The following DTNA variants were observed in gnomAD, a reference collection of about 807,000 sequenced individuals.
DTNA encodes dystrobrevin alpha.
Under a neutral mutation model 100.7 loss-of-function variants are expected in DTNA, and 43 were observed. That is an observed-to-expected ratio of 0.43 (90% confidence interval 0.33 to 0.55). The LOEUF is 0.55. Ranked by LOEUF, DTNA falls within the 20% of genes least tolerant of loss-of-function variation. The probability of loss-of-function intolerance (pLI) is 0.04; values close to 1 mark genes in which losing one functional copy is unlikely to be tolerated. For synonymous variants in DTNA, 349 were observed against 347.9 expected, an observed-to-expected ratio of 1.00 and a Z score of -0.04; for missense variants, 798 against 953.9, an observed-to-expected ratio of 0.84 and a Z score of 2.15.
Position 34,806,220 on chromosome 18 carries a change from G to A in DTNA, c.364G>A (p.Glu122Lys), listed in dbSNP as rs760519361. Residue 122 changes from glutamate to lysine, a missense_variant and splice_region_variant, in exon 5 of 23, where the codon GAA (glutamate) becomes AAA (lysine). Physicochemically the swap from Glu to Lys is moderately conservative, Grantham distance 56. Transcript: ENST00000444659. ...TTTTTTTCTATTACCATTAAACAGG[G>A]AAGGCCATGGTAAAATTTCAGTATT... is the stretch of plus-strand genomic sequence containing the variant. Reference protein sequence around the residue: ...LNFLLAAFDPEGHGKISVFAV... With the variant: ...LNFLLAAFDPKGHGKISVFAV... 1.2e-6 allele frequency: 2 copies of A among 1,613,582 alleles called. No individual in the cohort carries two copies. Among genetic ancestry groups the A allele is most frequent in the African/African-American group, 1.3e-5 (1 of 75,008 alleles).
intron 1 of DTNA, among the ~76,000 whole-genome samples, chr18:34,737,637 T>C (rs1010722706): frequency 6.6e-6 from 1 of 152,186 alleles, no homozygotes; most frequent in African/African-American, 2.4e-5. Flanking sequence ...TCCAAGTCTT[T>C]AGTCGCTCTC....
intron 1 of DTNA, among the ~76,000 whole-genome samples, chr18:34,635,446 A>C (rs1207390452): frequency 6.6e-6 from 1 of 152,202 alleles, no homozygotes; most frequent in Non-Finnish European, 1.5e-5. Context: ...ACTGTTTTTC[A>C]TAACAGCTGT....
chr18:34,551,949 T>A (rs1435430731), intron 1 of DTNA, among the ~76,000 whole-genome samples: 1 of 152,104 alleles, frequency 6.6e-6, no homozygotes, highest in Non-Finnish European at 1.5e-5. Context: ...TTTCCTTGAA[T>A]AAACTAAGAC....
rs529523285 is a variant in DTNA, at chr18:34,734,380, T to C, written c.-1-21596T>C. Among the ~76,000 whole-genome samples the C allele has an allele frequency of 9.2e-5, 14 of 152,274 alleles. No individual in the cohort carries two copies. The South Asian group carries it at 2.5e-3, about 27-fold the overall frequency. ...GGTTCATCAGAGTTTACAAACTCAGTGTCCTCAGTTTCATCAGAATCTTCC... is the reference window on the plus strand; with the variant it reads ...GGTTCATCAGAGTTTACAAACTCAGCGTCCTCAGTTTCATCAGAATCTTCC... On this transcript the variant is annotated intron_variant, in intron 1 of 22. Coordinates refer to ENST00000444659, the MANE Select transcript of DTNA (RefSeq NM_001386795.1).
intron 1 of DTNA, among the ~76,000 whole-genome samples, chr18:34,690,356 A>G (rs1285838721): frequency 6.6e-6 from 1 of 152,206 alleles, no homozygotes; most frequent in African/African-American, 2.4e-5. Flanking sequence ...CCTCATGGCA[A>G]GTTCCTCATG....
chr18:34,638,945 G>C (rs1377047113), intron 1 of DTNA, among the ~76,000 whole-genome samples: 1 of 152,144 alleles, frequency 6.6e-6, no homozygotes, highest in Non-Finnish European at 1.5e-5. Flanking sequence ...GGGTTCAAGT[G>C]ATTCCCCAGC....
chr18:34,543,337 A>T (rs923718019), intron 1 of DTNA, among the ~76,000 whole-genome samples: 1 of 152,102 alleles, frequency 6.6e-6, no homozygotes, highest in Admixed American at 6.6e-5. Context: ...AAAAATTCTA[A>T]CAAAAGGAAT....
At chr18:34,503,612 G>T (rs1432380757) in intron 1 of DTNA, among the ~76,000 whole-genome samples, 4 of 151,834 alleles carry the variant, frequency 2.6e-5, no homozygotes, top group Non-Finnish European at 5.9e-5. Context: ...AATGCACTCT[G>T]CTAATATCTG....
At chr18:34,498,282 G>A (rs2039486337) in intron 1 of DTNA, among the ~76,000 whole-genome samples, 1 of 151,826 alleles carries the variant, frequency 6.6e-6, no homozygotes, top group Non-Finnish European at 1.5e-5. Context: ...TTAGCTGGGG[G>A]TGGTGGCAAG....
intron 1 of DTNA, among the ~76,000 whole-genome samples, chr18:34,603,052 AAAAG>A (rs902190888): frequency 9.2e-5 from 14 of 151,798 alleles, no homozygotes; most frequent in South Asian, 6.2e-4. Flanking sequence ...TTAATTTTAA[AAAAG>A]AAAGAAAGAA....
intron 1 of DTNA, among the ~76,000 whole-genome samples, chr18:34,751,696 C>T (rs1466397589): frequency 2.0e-5 from 3 of 152,100 alleles, no homozygotes; most frequent in African/African-American, 7.2e-5. Context: ...TTTCAGAGTC[C>T]CTCTTTATTT....
intron 1 of DTNA, among the ~76,000 whole-genome samples, chr18:34,530,126 G>A (rs1214960327): frequency 1.3e-5 from 2 of 152,050 alleles, no homozygotes; most frequent in African/African-American, 4.8e-5. Context: ...CCTGCTCATA[G>A]CTGATACAGA....
intron 1 of DTNA, among the ~76,000 whole-genome samples, chr18:34,559,127 G>C (rs940251666): frequency 9.9e-5 from 15 of 152,150 alleles, no homozygotes; most frequent in African/African-American, 3.4e-4. Flanking sequence ...TACCCATAAT[G>C]CCTGATTTCC....
chr18:34,806,804 A>C (rs1000370133), intron 5 of DTNA, among the ~76,000 whole-genome samples: 3 of 152,238 alleles, frequency 2.0e-5, no homozygotes, highest in Admixed American at 6.5e-5. Flanking sequence ...TGGCAGAGTT[A>C]ACTAGATGCC....
intron 21 of DTNA, among the ~76,000 whole-genome samples, chr18:34,883,266 A>G (rs376333480): frequency 6.6e-6 from 1 of 151,814 alleles, no homozygotes; most frequent in Non-Finnish European, 1.5e-5. Context: ...CTTTCTGTCC[A>G]GTGGCCAGAC....
intron 13 of DTNA, 71 bp from the exon 14 acceptor site, chr18:34,848,225 C>T: frequency 6.8e-7 from 1 of 1,471,612 alleles, no homozygotes; most frequent in Non-Finnish European, 9.5e-7. Flanking sequence ...GTAAAAACTC[C>T]TTGTGGTAAA....
intron 22 of DTNA, among the ~76,000 whole-genome samples, chr18:34,887,353 T>C (rs35528848): frequency 0.012 from 1,824 of 152,306 alleles, 10 homozygotes; most frequent in Middle Eastern, 0.02. Flanking sequence ...TACACCACTG[T>C]CCTTGGCCAC....
rs1426667215 is a variant in DTNA at position 34,858,272 on chromosome 18, CCT to C, written c.1533-7_1533-6del. On this transcript the variant is annotated splice_polypyrimidine_tract_variant and intron_variant, in intron 15 of 22. Transcript: ENST00000444659. ...ACTAACCTTGGTTTCTCACCTTCCT[CCT>C]CTCTCCCAAGAGAAATCTTACAGGA... 3 of 1,613,200 alleles carry C rather than the reference CCT, an allele frequency of 1.9e-6. No individual in the cohort carries two copies. The South Asian group carries it at 3.3e-5, about 18-fold the overall frequency.
intron 1 of DTNA, chr18:34,683,515 T>C (rs570702723): frequency 2.6e-4 from 39 of 152,328 alleles, no homozygotes; most frequent in Non-Finnish European, 2.2e-4. Flanking sequence ...TCCATTTTAA[T>C]GTACTGTGGT....
Sources: gnomAD v4.1 joint callset for allele counts (sites outside exome capture counted in the v4.1 genomes callset) on GRCh38, gnomAD v4.1.1 for gene constraint, MANE v1.5 for transcripts, NCBI Gene and HGNC (gene_info 2026-07-23, HGNC 2026-07-21) for gene names.